The following MYZAP variants were observed in gnomAD, a reference collection of about 807,000 sequenced individuals.
MYZAP encodes the protein GRINL1A complex locus upstream.
A neutral mutation model predicts 69.4 loss-of-function variants in MYZAP; 66 were observed. That is an observed-to-expected ratio of 0.95 (90% CI 0.78 to 1.17). The LOEUF (loss-of-function observed/expected upper bound fraction) is 1.17. Among genes scored for constraint, MYZAP ranks in the 50% most tolerant of loss-of-function variants. MYZAP has a pLI of 0.00. For synonymous variants in MYZAP, 256 were observed against 205.9 expected (o/e 1.24, Z -2.09); for missense variants, 611 against 556.2 (o/e 1.10, Z -0.99).
chr15:57,669,171 G>A (rs937729248), intron 11 of MYZAP, among the ~76,000 whole-genome samples: 4 of 152,124 alleles, frequency 2.6e-5, no homozygotes, highest in African/African-American at 4.8e-5. Context: ...TTATAGGCAT[G>A]AGCCACCATG....
At chr15:57,608,483 T>G (rs1595860508) in intron 2 of MYZAP, among the ~76,000 whole-genome samples, 1 of 152,196 alleles carries the variant, frequency 6.6e-6, no homozygotes, top group Non-Finnish European at 1.5e-5. Context: ...TTCCTATCCC[T>G]AAGGCAGATG....
At position 57,616,822 on chromosome 15, in the gene MYZAP, C is replaced by CTTTTTTT. The variant is rs763856721; in HGVS notation, c.163-1192_163-1186dup. Among the ~76,000 whole-genome samples, 230 of 50,056 alleles carry CTTTTTTT rather than the reference C, an allele frequency of 4.6e-3. 32 individuals carry two copies. The highest frequency in any genetic ancestry group is 0.016 in the African/African-American group (196 of 12,620). 32.8% of individuals were successfully genotyped at this position (50,056 alleles called of 152,430 possible). A position where few individuals can be genotyped will look rare whatever the true frequency, so the allele number is the denominator to read the frequency against. On this transcript the variant is annotated intron_variant, in intron 2 of 12. Coordinates refer to ENST00000267853, the MANE Select transcript of MYZAP (RefSeq NM_001018100.5). ...GAGACTCCATCTAAAAAAAAAAGTG[C>CTTTTTTT]TTTTTTTTTTTTTTTTTTTTTTTTT...
At chr15:57,636,847 A>G (rs1237564711) in intron 8 of MYZAP, among the ~76,000 whole-genome samples, 2 of 152,202 alleles carry the variant, frequency 1.3e-5, no homozygotes, top group African/African-American at 4.8e-5. Flanking sequence ...GCAAATTTCC[A>G]CAAGGTTAGT....
chr15:57,628,292 A>G (rs1372070870), intron 5 of MYZAP, among the ~76,000 whole-genome samples: 1 of 151,996 alleles, frequency 6.6e-6, no homozygotes, highest in African/African-American at 2.4e-5. Flanking sequence ...TTTTTTAGAG[A>G]TGGGGTCTTG....
chr15:57,657,611 T>C (rs1002388163), intron 10 of MYZAP, among the ~76,000 whole-genome samples: 2 of 152,218 alleles, frequency 1.3e-5, no homozygotes, highest in African/African-American at 4.8e-5. Context: ...CCCTTTCCTT[T>C]AGTGCTAGAC....
intron 10 of MYZAP, among the ~76,000 whole-genome samples, chr15:57,644,915 A>C (rs1022876542): frequency 2.0e-5 from 3 of 152,224 alleles, no homozygotes; most frequent in Admixed American, 2.0e-4. Flanking sequence ...AAGGGACAGA[A>C]TCCAATCCAC....
At chr15:57,635,567 G>A (rs543184465) in intron 8 of MYZAP, among the ~76,000 whole-genome samples, 1 of 152,334 alleles carries the variant, frequency 6.6e-6, no homozygotes, top group East Asian at 1.9e-4. Context: ...AGTGGTGTTG[G>A]CTTCTTCTTT....
chr15:57,600,753 G>A (rs929307489), intron 1 of MYZAP, among the ~76,000 whole-genome samples: 6 of 152,154 alleles, frequency 3.9e-5, no homozygotes, highest in Admixed American at 1.3e-4. Flanking sequence ...GTTTCATTTT[G>A]AAGCATATAG....
intron 12 of MYZAP, among the ~76,000 whole-genome samples, chr15:57,676,453 T>TATATATAC (rs2039135601): frequency 1.4e-5 from 2 of 141,066 alleles, no homozygotes; most frequent in African/African-American, 5.3e-5. Flanking sequence ...TATATATATA[T>TATATATAC]ATATACATAT....
intron 10 of MYZAP, chr15:57,646,874 G>A (rs1348667675): frequency 3.0e-6 from 3 of 985,328 alleles, no homozygotes; most frequent in Non-Finnish European, 3.6e-6. Context: ...GCTGAAATAT[G>A]TTGAACTGAA....
intron 1 of MYZAP, chr15:57,599,497 C>T: frequency 1.7e-6 from 2 of 1,202,964 alleles, no homozygotes; most frequent in South Asian, 3.1e-5. Flanking sequence ...CCCCCAGGGA[C>T]AGCTGGTTCG....
At chr15:57,667,989 A>T (rs1420833319) in intron 11 of MYZAP, among the ~76,000 whole-genome samples, 1 of 152,044 alleles carries the variant, frequency 6.6e-6, no homozygotes, top group Non-Finnish European at 1.5e-5. Flanking sequence ...ACTTTTGGTC[A>T]CTATGGATTT....
intron 10 of MYZAP, among the ~76,000 whole-genome samples, chr15:57,650,238 C>T (rs1271723199): frequency 6.6e-6 from 1 of 152,098 alleles, no homozygotes; most frequent in Non-Finnish European, 1.5e-5. Flanking sequence ...TTTCCTGCCC[C>T]TCTGCTGAAG....
At chr15:57,626,082 C>G (rs1213650338) in intron 5 of MYZAP, among the ~76,000 whole-genome samples, 190 bp downstream of exon 5, 2 of 152,218 alleles carry the variant, frequency 1.3e-5, no homozygotes, top group Admixed American at 6.5e-5. Flanking sequence ...AGCTGAGACT[C>G]TAAGGCTTTG....
chr15:57,627,818 G>A (rs1485542800), intron 5 of MYZAP, among the ~76,000 whole-genome samples: 1 of 152,034 alleles, frequency 6.6e-6, no homozygotes, highest in Non-Finnish European at 1.5e-5. Context: ...GTTTTTGTGT[G>A]GATACACGAG....
At chr15:57,663,268 G>A (rs139852001) in intron 11 of MYZAP, among the ~76,000 whole-genome samples, 27 of 149,664 alleles carry the variant, frequency 1.8e-4, no homozygotes, top group African/African-American at 6.4e-4. Flanking sequence ...ATTCTTAAAT[G>A]TCCAAGGGAA....
At chr15:57,604,654 G>GT (rs1224280488) in intron 2 of MYZAP, among the ~76,000 whole-genome samples, 12 of 152,208 alleles carry the variant, frequency 7.9e-5, no homozygotes, top group Non-Finnish European at 1.8e-4. Flanking sequence ...GGGAACGTGG[G>GT]TTTTCCTGAA....
At chr15:57,621,205 C>CTTTTTTTTTTTTTT (rs61201214) in intron 3 of MYZAP, among the ~76,000 whole-genome samples, 88 of 127,272 alleles carry the variant, frequency 6.9e-4, no homozygotes, top group East Asian at 1.1e-3. Context: ...CTTTCTTTTT[C>CTTTTTTTTTTTTTT]TTTTTTTTTT....
At chr15:57,613,749 A>G (rs2934431) in intron 2 of MYZAP, among the ~76,000 whole-genome samples, 120,240 of 152,116 alleles carry the variant, frequency 0.79, 47,943 homozygotes, top group East Asian at 0.93. Context: ...TGAGTCATTG[A>G]TCCTCTCTCC....
Sources: allele counts gnomAD v4.1 joint callset (sites outside exome capture counted in the v4.1 genomes callset), GRCh38; gene constraint gnomAD v4.1.1; transcripts MANE v1.5; gene names NCBI Gene and HGNC (gene_info 2026-07-23, HGNC 2026-07-21).